Variants in ARHGAP25 observed in about 807,000 individuals in gnomAD.
The protein encoded by ARHGAP25 is rho GTPase-activating protein 25.
ARHGAP25 carries 34 observed loss-of-function variants against 71.0 expected under a neutral mutation model. The observed-to-expected ratio is 0.48, with a 90% CI of 0.36 to 0.64. The LOEUF (loss-of-function observed/expected upper bound fraction) is 0.64. Ranked by LOEUF, ARHGAP25 falls within the 30% of genes least tolerant of loss-of-function variation. The pLI is 0.00. For missense variants in ARHGAP25, 706 were observed against 805.1 expected, an observed-to-expected ratio of 0.88 and a Z score of 1.49; for synonymous variants, 282 against 296.5, an observed-to-expected ratio of 0.95 and a Z score of 0.50.
chr2:68,818,607 C>T (rs1413022087), intron 8 of ARHGAP25, among the ~76,000 whole-genome samples: 1 of 152,232 alleles, frequency 6.6e-6, no homozygotes, highest in Non-Finnish European at 1.5e-5. Context: ...GGATTACAGG[C>T]GTGAGCCGCT....
chr2:68,740,776 C>T (rs1362834327), intron 1 of ARHGAP25, among the ~76,000 whole-genome samples: 2 of 152,174 alleles, frequency 1.3e-5, no homozygotes, highest in Non-Finnish European at 2.9e-5. Flanking sequence ...GGCTTTTGAA[C>T]AAAATGAGTT....
intron 2 of ARHGAP25, among the ~76,000 whole-genome samples, chr2:68,714,269 C>T (rs1337840850): frequency 1.9e-4 from 29 of 152,148 alleles, no homozygotes. Flanking sequence ...AGTTTATTTG[C>T]ATAGAGGTGT....
chr2:68,715,556 G>A (rs1202524372), intron 2 of ARHGAP25, among the ~76,000 whole-genome samples: 1 of 152,150 alleles, frequency 6.6e-6, no homozygotes, highest in African/African-American at 2.4e-5. Flanking sequence ...CTTGGGAAGA[G>A]TAAGAGGCAT....
At chr2:68,757,907 A>T (rs948286172) in intron 1 of ARHGAP25, among the ~76,000 whole-genome samples, 1 of 152,068 alleles carries the variant, frequency 6.6e-6, no homozygotes, top group African/African-American at 2.4e-5. Context: ...ACAATTGTGG[A>T]GACATGAAAA....
At chr2:68,777,902 A>G (rs531307891) in intron 2 of ARHGAP25, among the ~76,000 whole-genome samples, 27 of 152,266 alleles carry the variant, frequency 1.8e-4, no homozygotes, top group African/African-American at 6.5e-4. Flanking sequence ...CCCTATACAT[A>G]TGTATTTAGG....
chr2:68,783,369 T>C (rs536335291), intron 3 of ARHGAP25, among the ~76,000 whole-genome samples: 1 of 152,180 alleles, frequency 6.6e-6, no homozygotes, highest in African/African-American at 2.4e-5. Context: ...AGAAAAAAAA[T>C]CCTAAACTTG....
At chr2:68,783,683 G>A (rs1228293903) in intron 3 of ARHGAP25, among the ~76,000 whole-genome samples, 1 of 152,026 alleles carries the variant, frequency 6.6e-6, no homozygotes, top group Non-Finnish European at 1.5e-5. Context: ...GGCTGCTCTC[G>A]AACTTCTGAC....
chr2:68,723,931 G>T (rs916619173), intron 2 of ARHGAP25, among the ~76,000 whole-genome samples: 1 of 152,006 alleles, frequency 6.6e-6, no homozygotes, highest in Non-Finnish European at 1.5e-5. Context: ...CTGGGGTGCA[G>T]TGGCACCATC....
chr2:68,800,883 C>T (rs1361090670), intron 4 of ARHGAP25, among the ~76,000 whole-genome samples: 1 of 151,870 alleles, frequency 6.6e-6, no homozygotes, highest in Non-Finnish European at 1.5e-5. Flanking sequence ...ATTATAATTA[C>T]ATTATGGTAA....
intron 4 of ARHGAP25, among the ~76,000 whole-genome samples, chr2:68,789,968 T>C (rs1358286385): frequency 6.6e-6 from 1 of 152,194 alleles, no homozygotes; most frequent in Non-Finnish European, 1.5e-5. Flanking sequence ...GTGTTGCCTC[T>C]GATACAGCAT....
rs998508536 is a variant in ARHGAP25 at position 68,734,962 on chromosome 2, G to T, written c.-238G>T. 3.4e-6 allele frequency: 2 copies of T among 588,606 alleles called. No homozygotes were observed. Among genetic ancestry groups the T allele is most frequent in the East Asian group, 5.7e-5 (2 of 35,284 alleles). 36.5% of individuals were successfully genotyped at this position (588,606 alleles called of 1,614,324 possible). On this transcript the variant is annotated 5_prime_UTR_variant, in exon 1 of 11. Transcript: ENST00000409202. ...GGTGCTAGCCCCTGTGGGACTGAGG[G>T]TGGAGGCTGGGGGAGTTTGGGTGCC... is the stretch of plus-strand genomic sequence containing the variant.
chr2:68,754,094 G>T (rs1238090841), intron 1 of ARHGAP25, among the ~76,000 whole-genome samples: 1 of 151,844 alleles, frequency 6.6e-6, no homozygotes, highest in Non-Finnish European at 1.5e-5. Context: ...TAGTAGAGAC[G>T]GGGTTTCACC....
Position 68,782,286 on chromosome 2 carries a change from A to G in ARHGAP25, c.315A>G (p.Glu105=). ...CTIKEIATNP[E]EAGKFVFEII... is the part of the protein sequence containing the mutation. ...TCAAGGAGATCGCCACAAACCCAGA[A>G]GAAGCTGGGAAGTTTGTCTTTGAAA... is the stretch of plus-strand genomic sequence containing the variant. Residue 105 remains glutamate, a synonymous_variant, in exon 3 of 11, where the codon GAA becomes GAG. Transcript: ENST00000409202. 2 of 1,614,170 alleles carry G rather than the reference A, an allele frequency of 1.2e-6. No individual in the cohort carries two copies. The highest frequency in any genetic ancestry group is 1.7e-6 in the Non-Finnish European group (2 of 1,179,996).
chr2:68,807,517 C>G (rs758149704), intron 5 of ARHGAP25, 37 bp downstream of exon 5: 1 of 1,597,076 alleles, frequency 6.3e-7, no homozygotes, highest in Non-Finnish European at 8.6e-7. Flanking sequence ...CCTCTGCCCT[C>G]CCCTCTGCTT....
At chr2:68,738,694 A>G (rs1232612623) in intron 1 of ARHGAP25, among the ~76,000 whole-genome samples, 1 of 151,884 alleles carries the variant, frequency 6.6e-6, no homozygotes, top group African/African-American at 2.4e-5. Flanking sequence ...GGTGGCGGGC[A>G]CCTGTAATCC....
intron 1 of ARHGAP25, among the ~76,000 whole-genome samples, chr2:68,772,236 C>A (rs1677533194): frequency 6.6e-6 from 1 of 152,232 alleles, no homozygotes; most frequent in Admixed American, 6.5e-5. Flanking sequence ...TCAGTTTCCC[C>A]TAACCCCCAC....
chr2:68,807,247 G>T, intron 4 of ARHGAP25, 26 bp from the exon 5 acceptor site: 1 of 1,611,032 alleles, frequency 6.2e-7, no homozygotes, highest in Non-Finnish European at 8.5e-7. Flanking sequence ...AGAATGACGG[G>T]CAGGTTCTGT....
chr2:68,823,687 T>A (rs1681875578), intron 10 of ARHGAP25, among the ~76,000 whole-genome samples: 2 of 152,280 alleles, frequency 1.3e-5, no homozygotes, highest in South Asian at 4.1e-4. Flanking sequence ...CTGCAAAGCC[T>A]GAGTAAGAAG....
intron 2 of ARHGAP25, among the ~76,000 whole-genome samples, chr2:68,722,850 G>A (rs957510836): frequency 5.3e-5 from 8 of 152,104 alleles, no homozygotes; most frequent in East Asian, 3.9e-4. Context: ...AGGCAAATAC[G>A]AGTGTCACTT....
Sources: allele counts gnomAD v4.1 joint callset (sites outside exome capture counted in the v4.1 genomes callset), GRCh38; gene constraint gnomAD v4.1.1; transcripts MANE v1.5; gene names NCBI Gene and HGNC (gene_info 2026-07-23, HGNC 2026-07-21).